The following JPH3 variants were observed in gnomAD, a reference collection of about 807,000 sequenced individuals.
JPH3 encodes junctophilin-3.
A neutral mutation model predicts 59.6 loss-of-function variants in JPH3; 11 were observed. The observed-to-expected ratio is 0.18, with a 90% CI of 0.12 to 0.31. The LOEUF (loss-of-function observed/expected upper bound fraction) is 0.31. Ranked by LOEUF, JPH3 falls within the 10% of genes least tolerant of loss-of-function variation. The pLI is 1.00. For synonymous variants in JPH3, 673 were observed against 483.6 expected (o/e 1.39, Z -5.14); for missense variants, 1,202 against 1,105.7 (o/e 1.09, Z -1.24).
At chr16:87,606,226 T>A (rs1157131513) in intron 1 of JPH3, among the ~76,000 whole-genome samples, 3 of 152,242 alleles carry the variant, frequency 2.0e-5, no homozygotes, top group Non-Finnish European at 4.4e-5. Context: ...TGACTTTTCC[T>A]TTGCACAAGA....
intron 1 of JPH3, among the ~76,000 whole-genome samples, chr16:87,613,828 A>G (rs2030829517): frequency 6.6e-6 from 1 of 152,186 alleles, no homozygotes; most frequent in African/African-American, 2.4e-5. Flanking sequence ...GTTATATCTT[A>G]CATTCCTTAA....
At chr16:87,608,958 G>A (rs1386725927) in intron 1 of JPH3, among the ~76,000 whole-genome samples, 1 of 152,258 alleles carries the variant, frequency 6.6e-6, no homozygotes, top group Admixed American at 6.5e-5. Flanking sequence ...GATCGCTTGA[G>A]CCCCGGAGGT....
Position 87,615,922 on chromosome 16 carries a change from T to C in JPH3, c.382+12394T>C, listed in dbSNP as rs2030939811. On this transcript the variant is annotated intron_variant, in intron 1 of 4. Coordinates refer to ENST00000284262, the MANE Select transcript of JPH3 (RefSeq NM_020655.4). ...CATGGCTGGATGGGTCAATGAGTGG[T>C]CAATCAGGCGAGCTCTGAGCGACAG... Among the ~76,000 whole-genome samples, 4 of 152,178 alleles carry C rather than the reference T, an allele frequency of 2.6e-5. No homozygotes were observed. The South Asian group carries it at 8.3e-4, about 32-fold the overall frequency.
rs76039705 is a variant in JPH3 at position 87,660,395 on chromosome 16, G to A, written c.1160+15360G>A. Among the ~76,000 whole-genome samples the A allele has an allele frequency of 9.4e-3, 1,436 of 152,226 alleles. 24 individuals carry two copies. The highest frequency in any genetic ancestry group is 0.033 in the African/African-American group (1,369 of 41,520). On this transcript the variant is annotated intron_variant, in intron 2 of 4. Coordinates refer to ENST00000284262, the MANE Select transcript of JPH3 (RefSeq NM_020655.4). ...TGAGTCCCAGCCCTGCTGTAGGGCT[G>A]GAGTGAAAGGGGCCTCCCCAGAGAG... is the stretch of plus-strand genomic sequence containing the variant.
chr16:87,616,087 G>A (rs980332059), intron 1 of JPH3, among the ~76,000 whole-genome samples: 4 of 152,130 alleles, frequency 2.6e-5, no homozygotes, highest in African/African-American at 7.2e-5. Flanking sequence ...CGGGGTCTGA[G>A]CACAGACAGC....
rs141139587 is a variant in JPH3 at position 87,678,738 on chromosome 16, C to G, written c.1161-5404C>G. Among the ~76,000 whole-genome samples the G allele has an allele frequency of 2.0e-3, 308 of 152,312 alleles. 4 individuals are homozygous for G. Among genetic ancestry groups the G allele is most frequent in the African/African-American group, 7.1e-3 (296 of 41,570 alleles). ...AGATTCTCCTGGATCAGGCTGGGCC[C>G]CAATCCAACGAAGAGTGCCCTCGTG... On this transcript the variant is annotated intron_variant, in intron 2 of 4. Transcript: ENST00000284262.
intron 2 of JPH3, among the ~76,000 whole-genome samples, chr16:87,664,203 C>G (rs568576231): frequency 4.4e-4 from 67 of 152,074 alleles, no homozygotes; most frequent in Admixed American, 9.2e-4. Context: ...TGGTGGAAGG[C>G]GCCTGTAGTC....
intron 2 of JPH3, among the ~76,000 whole-genome samples, chr16:87,682,315 G>A (rs1286421904): frequency 6.6e-6 from 1 of 152,202 alleles, no homozygotes; most frequent in Non-Finnish European, 1.5e-5. Flanking sequence ...TCCAGGCTTA[G>A]CCCATGGAGT....
chr16:87,639,939 A>G (rs1377626622), intron 1 of JPH3, among the ~76,000 whole-genome samples: 1 of 152,156 alleles, frequency 6.6e-6, no homozygotes, highest in Admixed American at 6.5e-5. Flanking sequence ...TCCCATCTGT[A>G]TCTGTAAGCT....
chr16:87,675,260 C>A (rs1430498458), intron 2 of JPH3, among the ~76,000 whole-genome samples: 1 of 150,218 alleles, frequency 6.7e-6, no homozygotes, highest in African/African-American at 2.5e-5. Context: ...AGCTCTCTTC[C>A]CCTTGCCAAC....
chr16:87,623,318 G>T (rs1034493021), intron 1 of JPH3, among the ~76,000 whole-genome samples: 5 of 152,162 alleles, frequency 3.3e-5, no homozygotes, highest in Non-Finnish European at 2.9e-5. Flanking sequence ...GATGTCCTTG[G>T]CTCATTCCTC....
intron 1 of JPH3, 83 bp from the exon 2 acceptor site, chr16:87,644,175 T>G: frequency 7.2e-7 from 1 of 1,383,596 alleles, no homozygotes; most frequent in South Asian, 1.4e-5. Context: ...GACAGGACTG[T>G]GGCTGCTTCA....
chr16:87,681,783 C>G (rs1186675291), intron 2 of JPH3, among the ~76,000 whole-genome samples: 1 of 152,168 alleles, frequency 6.6e-6, no homozygotes, highest in Non-Finnish European at 1.5e-5. Flanking sequence ...TTTTCCTTGG[C>G]TTCCGGGGAG....
chr16:87,621,275 C>A (rs1252359203), intron 1 of JPH3, among the ~76,000 whole-genome samples: 2 of 152,250 alleles, frequency 1.3e-5, no homozygotes, highest in Non-Finnish European at 2.9e-5. Context: ...CCCCCATCTG[C>A]TCTGTGTCGG....
At chr16:87,688,296 G>A (rs1261122636) in intron 3 of JPH3, among the ~76,000 whole-genome samples, 3 of 152,192 alleles carry the variant, frequency 2.0e-5, no homozygotes, top group Non-Finnish European at 4.4e-5. Flanking sequence ...CCATGGCCTC[G>A]CTCTGCTCAG....
chr16:87,632,955 ACT>A (rs1424903887), intron 1 of JPH3, among the ~76,000 whole-genome samples: 1 of 151,672 alleles, frequency 6.6e-6, no homozygotes, highest in African/African-American at 2.4e-5. Context: ...CTGGTCTGGA[ACT>A]CTGGGGCTCA....
intron 3 of JPH3, among the ~76,000 whole-genome samples, chr16:87,687,356 G>A (rs914254714): frequency 1.1e-4 from 17 of 152,288 alleles, no homozygotes; most frequent in African/African-American, 2.9e-4. Context: ...GGGCCATGCC[G>A]GCTTCTAGAG....
chr16:87,617,656 G>T (rs1015414196), intron 1 of JPH3, among the ~76,000 whole-genome samples: 1 of 152,126 alleles, frequency 6.6e-6, no homozygotes, highest in African/African-American at 2.4e-5. Context: ...GGGCTGCATG[G>T]TAGGGCAGAG....
In JPH3 at chr16:87,662,527, G is replaced by A. The variant is rs528466410; in HGVS notation, c.1160+17492G>A. Among the ~76,000 whole-genome samples the A allele has an allele frequency of 1.5e-4, 23 of 152,156 alleles. No homozygotes were observed. The East Asian group carries it at 1.7e-3, about 12-fold the overall frequency. On this transcript the variant is annotated intron_variant, in intron 2 of 4. Coordinates refer to ENST00000284262, the MANE Select transcript of JPH3 (RefSeq NM_020655.4). ...TCCTGATTTGTTTTCCAGGATGTTC[G>A]TTTTGGGGTCAAGGGTCTTTGGGGT...
Sources: allele counts gnomAD v4.1 joint callset (sites outside exome capture counted in the v4.1 genomes callset), GRCh38; gene constraint gnomAD v4.1.1; transcripts MANE v1.5; gene names NCBI Gene and HGNC (gene_info 2026-07-23, HGNC 2026-07-21).